The following B3GALT5 variants were observed in gnomAD, a reference collection of about 807,000 sequenced individuals.
B3GALT5 encodes the protein beta-1,3-galactosyltransferase 5, also known as UDP-Gal:betaGlcNAc beta 1,3-galactosyltransferase, polypeptide 5.
For synonymous variants in B3GALT5, 156 were observed against 158.6 expected, an observed-to-expected ratio of 0.98 and a Z score of 0.12; for missense variants, 328 against 396.6, an observed-to-expected ratio of 0.83 and a Z score of 1.47.
At chr21:39,639,111 A>G (rs1439390574) in intron 1 of B3GALT5, among the ~76,000 whole-genome samples, 1 of 152,206 alleles carries the variant, frequency 6.6e-6, no homozygotes, top group Admixed American at 6.5e-5. Flanking sequence ...AATTTCTGCC[A>G]TGTAGACGGA....
At position 39,661,630 on chromosome 21, in the gene B3GALT5, A is replaced by G; in HGVS notation, c.*138A>G. ...CACGCCAGAATGTCGGTGTTCATGAAGTCACTGATTAGTTCCCACTTGGTG... is the reference window on the plus strand; with the variant it reads ...CACGCCAGAATGTCGGTGTTCATGAGGTCACTGATTAGTTCCCACTTGGTG... On this transcript the variant is annotated 3_prime_UTR_variant, in exon 4 of 4. Transcript: ENST00000684187. This position sits in a 1 kb window ranked among gnomAD's most constrained non-coding sequence, Gnocchi z 4.7. 1.2e-6 allele frequency: 1 copy of G among 857,790 alleles called. No homozygotes were observed. The highest frequency in any genetic ancestry group is 3.2e-5 in the South Asian group (1 of 31,402). 53.1% of individuals were successfully genotyped at this position (857,790 alleles called of 1,614,324 possible). A position where few individuals can be genotyped will look rare whatever the true frequency, so the allele number is the denominator to read the frequency against.
chr21:39,643,739 G>T (rs186685604), intron 1 of B3GALT5, among the ~76,000 whole-genome samples: 6 of 152,160 alleles, frequency 3.9e-5, no homozygotes, highest in Admixed American at 1.3e-4. Flanking sequence ...GCTTAAAGAG[G>T]GGGGAGAGAT....
Position 39,660,796 on chromosome 21 carries a change from G to C in B3GALT5, c.237G>C (p.Thr79=), listed in dbSNP as rs149954009. Residue 79 remains threonine, a synonymous_variant, in exon 4 of 4, where the codon ACG becomes ACC. Transcript: ENST00000684187. ...QLAERMAIRQ[T]WGKERMVKGK... Reference sequence around the variant, plus strand: ...CTGAGCGCATGGCCATCCGGCAGACGTGGGGGAAAGAGAGGATGGTGAAGG... The same window carrying C: ...CTGAGCGCATGGCCATCCGGCAGACCTGGGGGAAAGAGAGGATGGTGAAGG... 6.3e-7 allele frequency: 1 copy of C among 1,580,714 alleles called. No homozygotes were observed. Among genetic ancestry groups the C allele is most frequent in the Non-Finnish European group, 8.6e-7 (1 of 1,163,942 alleles).
At chr21:39,614,750 T>C (rs1300377175) in intron 1 of B3GALT5, among the ~76,000 whole-genome samples, 1 of 152,130 alleles carries the variant, frequency 6.6e-6, no homozygotes, top group Non-Finnish European at 1.5e-5. Context: ...CTCCATCTTG[T>C]CCTTCCTGGG....
At position 39,659,763 on chromosome 21, in the gene B3GALT5, C is replaced by G; in HGVS notation, c.-150C>G. On this transcript the variant is annotated 5_prime_UTR_variant, in exon 3 of 4. Coordinates refer to ENST00000684187, the MANE Select transcript of B3GALT5 (RefSeq NM_001356336.2). ...TTTTTTTTTTCCTAGTGATTCCTGT[C>G]AGAATCACCATTTTTGGTAAACAAA... 1.0e-6 allele frequency: 1 copy of G among 983,566 alleles called. No individual in the cohort carries two copies. The highest frequency in any genetic ancestry group is 1.2e-6 in the Non-Finnish European group (1 of 829,382). The allele number at this position is 983,566 out of a possible 1,614,324, so 60.9% of individuals were successfully genotyped here. A position where few individuals can be genotyped will look rare whatever the true frequency, so the allele number is the denominator to read the frequency against.
chr21:39,633,723 C>A (rs1169461690), intron 1 of B3GALT5, among the ~76,000 whole-genome samples: 9 of 152,170 alleles, frequency 5.9e-5, no homozygotes, highest in Non-Finnish European at 1.3e-4. Flanking sequence ...TCAGATTGTG[C>A]AAAGGCATGG....
At chr21:39,614,817 C>A (rs1211521551) in intron 1 of B3GALT5, among the ~76,000 whole-genome samples, 1 of 152,208 alleles carries the variant, frequency 6.6e-6, no homozygotes, top group African/African-American at 2.4e-5. Flanking sequence ...CATGCTTGTC[C>A]ATTTAACTGG....
chr21:39,645,957 T>C (rs2079334655), intron 1 of B3GALT5, among the ~76,000 whole-genome samples: 1 of 150,766 alleles, frequency 6.6e-6, no homozygotes, highest in Non-Finnish European at 1.5e-5. Context: ...GCAGCCGCCC[T>C]CTGCCTCCCA....
chr21:39,625,045 A>G (rs2079156746), intron 1 of B3GALT5, among the ~76,000 whole-genome samples: 1 of 152,210 alleles, frequency 6.6e-6, no homozygotes, highest in East Asian at 1.9e-4. Flanking sequence ...ATTGTAGACT[A>G]TGGTGTAACA....
In B3GALT5 at chr21:39,669,269, AT is replaced by A. The variant is rs565450043; in HGVS notation, c.*7788del. On this transcript the variant is annotated 3_prime_UTR_variant, in exon 4 of 4. Transcript: ENST00000684187. ...AGATGCCTTAGAAATTATCTACAGTATTTTTTTTTTTAAGATAAAACCTTTT... is the reference window on the plus strand; with the variant it reads ...AGATGCCTTAGAAATTATCTACAGTATTTTTTTTTTAAGATAAAACCTTTT... 139 of 148,262 alleles carry A rather than the reference AT, an allele frequency of 9.4e-4. No homozygotes were observed. Among genetic ancestry groups the A allele is most frequent in the South Asian group, 6.4e-3 (30 of 4,674 alleles). The allele number at this position is 148,262 out of a possible 1,614,324, so 9.2% of individuals were successfully genotyped here.
intron 1 of B3GALT5, among the ~76,000 whole-genome samples, chr21:39,640,168 G>A (rs573236846): frequency 7.8e-4 from 119 of 152,230 alleles, no homozygotes; most frequent in African/African-American, 2.8e-3. Flanking sequence ...CTCACTCTTA[G>A]TGACAGGCAG....
intron 1 of B3GALT5, among the ~76,000 whole-genome samples, chr21:39,627,276 A>G (rs1462236214): frequency 6.6e-6 from 1 of 152,172 alleles, no homozygotes; most frequent in African/African-American, 2.4e-5. Flanking sequence ...ATGAAGGGGA[A>G]CGAGCAGGAA....
intron 1 of B3GALT5, among the ~76,000 whole-genome samples, chr21:39,639,358 C>CTTT (rs1569212215): frequency 1.7e-5 from 2 of 119,588 alleles, no homozygotes; most frequent in African/African-American, 6.2e-5. Flanking sequence ...TTCCTTCCTT[C>CTTT]CTTCCTTCCT....
chr21:39,658,039 T>C, intron 2 of B3GALT5: 1 of 688,080 alleles, frequency 1.5e-6, no homozygotes, highest in Non-Finnish European at 2.0e-6. Flanking sequence ...AGGCTCTGTC[T>C]GCTGGTGCTG....
In B3GALT5 at chr21:39,661,146, G is replaced by C; in HGVS notation, c.587G>C (p.Ser196Thr). The C allele has an allele frequency of 6.2e-7, 1 of 1,613,992 alleles. No homozygotes were observed. The highest frequency in any genetic ancestry group is 1.3e-5 in the African/African-American group (1 of 75,050). Reference protein sequence around the residue: ...LNEFPIRQPFSKWFVSKSEYP... With the variant: ...LNEFPIRQPFTKWFVSKSEYP... ...GAGTTTCCCATCAGGCAGCCATTCA[G>C]CAAGTGGTTTGTCAGTAAATCTGAA... The change falls in exon 4 of 4, where the codon AGC (serine) becomes ACC (threonine). Residue 196 changes from serine to threonine, a missense_variant. Transcript: ENST00000684187. The surrounding 1 kb of genome is among the most constrained non-coding windows in gnomAD (Gnocchi z 4.7).
rs2079533573 is a variant in B3GALT5, at chr21:39,662,152, C to T, written c.*660C>T. 1 of 167,106 alleles carries T rather than the reference C, an allele frequency of 6.0e-6. No homozygotes were observed. The highest frequency in any genetic ancestry group is 2.4e-5 in the African/African-American group (1 of 41,450). The allele number at this position is 167,106 out of a possible 1,614,324, so 10.4% of individuals were successfully genotyped here. A position where few individuals can be genotyped will look rare whatever the true frequency, so the allele number is the denominator to read the frequency against. On this transcript the variant is annotated 3_prime_UTR_variant, in exon 4 of 4. Coordinates refer to ENST00000684187, the MANE Select transcript of B3GALT5 (RefSeq NM_001356336.2). The stretch of plus-strand genomic sequence containing the variant: ...ACCCAAGTTTCATCCGAGGAAATGT[C>T]CCCGCAGTGGATGCAGCTCACATGC...
At chr21:39,658,397 G>A (rs2146215722) in intron 2 of B3GALT5, among the ~76,000 whole-genome samples, 2 of 152,126 alleles carry the variant, frequency 1.3e-5, no homozygotes, top group Middle Eastern at 6.8e-3. Context: ...GAGAATTTAA[G>A]GTTTACTGTT....
rs1288116218 is a variant in B3GALT5, at chr21:39,666,303, G to GT, written c.*4816dup. On this transcript the variant is annotated 3_prime_UTR_variant, in exon 4 of 4. Transcript: ENST00000684187. ...CATCTACACTGTCATGCAAACTCTT[G>GT]TTTTTGTTTGTTTGTTTTTGAGACA... 5 of 152,466 alleles carry GT rather than the reference G, an allele frequency of 3.3e-5. No homozygotes were observed. The highest frequency in any genetic ancestry group is 3.3e-4 in the Admixed American group (5 of 15,272). The allele number at this position is 152,466 out of a possible 1,614,324, so 9.4% of individuals were successfully genotyped here.
chr21:39,640,739 C>T (rs1007112433), intron 1 of B3GALT5, among the ~76,000 whole-genome samples: 6 of 150,462 alleles, frequency 4.0e-5, no homozygotes, highest in Admixed American at 4.0e-4. Flanking sequence ...GCCTTTCCAA[C>T]CTGGATGCTT....
Sources: gnomAD v4.1 joint callset for allele counts (sites outside exome capture counted in the v4.1 genomes callset) on GRCh38, gnomAD v4.1.1 for gene constraint, Gnocchi (gnomAD v3.1) non-coding constraint, MANE v1.5 for transcripts, NCBI Gene and HGNC (gene_info 2026-07-23, HGNC 2026-07-21) for gene names.